AUTS2: variants seen among roughly 807,000 people sequenced by gnomAD.
The protein encoded by AUTS2 is autism susceptibility gene 2 protein.
In AUTS2, 17 loss-of-function variants were observed where a neutral mutation model predicts 112.4. That is an observed-to-expected ratio of 0.15 (90% CI 0.10 to 0.23). AUTS2 has a LOEUF of 0.23. Ranked by LOEUF, AUTS2 falls within the 10% of genes least tolerant of loss-of-function variation. The pLI is 1.00. For synonymous variants in AUTS2, 751 were observed against 702.7 expected (o/e 1.07, Z -1.09); for missense variants, 1,510 against 1,701.6 (o/e 0.89, Z 1.98).
intron 5 of AUTS2, among the ~76,000 whole-genome samples, chr7:70,443,504 G>A (rs1796201182): frequency 6.6e-6 from 1 of 152,210 alleles, no homozygotes; most frequent in Admixed American, 6.5e-5. Flanking sequence ...ATATGTGATT[G>A]TATCTTCCCT....
At chr7:69,785,722 A>C (rs1166641600) in intron 1 of AUTS2, among the ~76,000 whole-genome samples, 1 of 152,218 alleles carries the variant, frequency 6.6e-6, no homozygotes, top group Non-Finnish European at 1.5e-5. Context: ...ACAGCATTAT[A>C]TGAGCCATGG....
intron 6 of AUTS2, among the ~76,000 whole-genome samples, chr7:70,749,054 C>T (rs1269684761): frequency 1.3e-5 from 2 of 152,134 alleles, no homozygotes; most frequent in African/African-American, 4.8e-5. Flanking sequence ...CAGGAGCTCC[C>T]TGTTGCTGGC....
At chr7:70,257,643 A>T (rs1786952650) in intron 4 of AUTS2, among the ~76,000 whole-genome samples, 1 of 142,468 alleles carries the variant, frequency 7.0e-6, no homozygotes, top group African/African-American at 2.6e-5. Flanking sequence ...TTTTTTGTAG[A>T]GACGGGGCCT....
At chr7:69,615,594 C>A (rs778536144) in intron 1 of AUTS2, among the ~76,000 whole-genome samples, 3 of 152,198 alleles carry the variant, frequency 2.0e-5, no homozygotes, top group African/African-American at 4.8e-5. Flanking sequence ...TGAGCCACTG[C>A]ATCCGGCCTA....
At chr7:69,693,041 G>A (rs1223252859) in intron 1 of AUTS2, among the ~76,000 whole-genome samples, 1 of 152,154 alleles carries the variant, frequency 6.6e-6, no homozygotes, top group African/African-American at 2.4e-5. Context: ...AAATAATGAG[G>A]AAACTGTGGC....
At chr7:69,977,970 A>G (rs1297668090) in intron 2 of AUTS2, among the ~76,000 whole-genome samples, 1 of 152,104 alleles carries the variant, frequency 6.6e-6, no homozygotes, top group Admixed American at 6.6e-5. Context: ...TTTTAGTTGT[A>G]CTTAGTGTGG....
chr7:70,557,459 G>A (rs1585299769), intron 5 of AUTS2, among the ~76,000 whole-genome samples: 1 of 152,212 alleles, frequency 6.6e-6, no homozygotes, highest in South Asian at 2.1e-4. Context: ...TGGCGGCATA[G>A]TCAGGCTTGT....
chr7:69,602,040 A>ATATGTG lies in AUTS2; in HGVS notation c.309+2079_309+2080insATGTGT, dbSNP rs1474403063. Among the ~76,000 whole-genome samples the ATATGTG allele has an allele frequency of 2.1e-3, 98 of 46,202 alleles. 1 individual carries two copies. The highest frequency in any genetic ancestry group is 3.6e-3 in the Non-Finnish European group (77 of 21,604). The allele number at this position is 46,202 out of a possible 152,430, so 30.3% of individuals were successfully genotyped here. On this transcript the variant is annotated intron_variant, in intron 1 of 18. Coordinates refer to ENST00000342771, the MANE Select transcript of AUTS2 (RefSeq NM_015570.4). ...TGTGTGTATATATATATATATATAT[A>ATATGTG]TGTGTGTGTGTGTGTGTGTGTGTGT...
chr7:70,386,269 C>G (rs1377259053), intron 4 of AUTS2, among the ~76,000 whole-genome samples: 2 of 152,154 alleles, frequency 1.3e-5, no homozygotes, highest in African/African-American at 4.8e-5. Context: ...AGACATAAAA[C>G]CAAGACGCTT....
intron 1 of AUTS2, among the ~76,000 whole-genome samples, chr7:69,790,473 A>T (rs1283850368): frequency 6.6e-6 from 1 of 152,124 alleles, no homozygotes; most frequent in African/African-American, 2.4e-5. Flanking sequence ...AATTACCATG[A>T]CTTGAATCTT....
At chr7:69,954,701 G>T (rs909745250) in intron 2 of AUTS2, among the ~76,000 whole-genome samples, 2 of 152,184 alleles carry the variant, frequency 1.3e-5, no homozygotes, top group African/African-American at 4.8e-5. Flanking sequence ...AGAGAAGTTC[G>T]AAGTTTTGCC....
At chr7:69,793,766 A>T (rs1294573125) in intron 1 of AUTS2, among the ~76,000 whole-genome samples, 1 of 152,098 alleles carries the variant, frequency 6.6e-6, no homozygotes, top group Non-Finnish European at 1.5e-5. Flanking sequence ...AAAAACATTA[A>T]ATTTTTTAAA....
intron 4 of AUTS2, among the ~76,000 whole-genome samples, chr7:70,138,764 A>T (rs1047223079): frequency 1.3e-5 from 2 of 152,194 alleles, no homozygotes; most frequent in African/African-American, 4.8e-5. Context: ...CGGGATTTGT[A>T]TAATTATTGT....
intron 2 of AUTS2, among the ~76,000 whole-genome samples, chr7:69,923,707 A>G (rs1795902036): frequency 6.6e-6 from 1 of 152,048 alleles, no homozygotes; most frequent in African/African-American, 2.4e-5. Context: ...CATATTTTTG[A>G]TGCAGTATTA....
intron 2 of AUTS2, among the ~76,000 whole-genome samples, chr7:70,086,016 T>C (rs1207632624): frequency 2.0e-5 from 3 of 152,202 alleles, no homozygotes; most frequent in African/African-American, 4.8e-5. Flanking sequence ...AAAAGAAAAT[T>C]TCTAAACTTG....
chr7:69,897,272 G>A (rs1756358419), intron 1 of AUTS2, among the ~76,000 whole-genome samples: 1 of 152,226 alleles, frequency 6.6e-6, no homozygotes, highest in Non-Finnish European at 1.5e-5. Flanking sequence ...GTAAAGGCCT[G>A]CGTTAGTTTG....
chr7:69,987,051 T>A (rs1798540878), intron 2 of AUTS2, among the ~76,000 whole-genome samples: 1 of 152,200 alleles, frequency 6.6e-6, no homozygotes, highest in Non-Finnish European at 1.5e-5. Context: ...ACAAGGACAA[T>A]GTTGAGATGA....
chr7:70,113,208 A>G (rs1242240460), intron 2 of AUTS2, among the ~76,000 whole-genome samples: 1 of 152,058 alleles, frequency 6.6e-6, no homozygotes. Flanking sequence ...TTTCTTTTTT[A>G]AAAAATAGTT....
chr7:70,254,135 C>T (rs1584936835), intron 4 of AUTS2, among the ~76,000 whole-genome samples: 1 of 152,128 alleles, frequency 6.6e-6, no homozygotes, highest in Non-Finnish European at 1.5e-5. Flanking sequence ...GTTTTTAAAT[C>T]GTTTTCAGTG....
Sources: gnomAD v4.1 joint callset for allele counts (sites outside exome capture counted in the v4.1 genomes callset) on GRCh38, gnomAD v4.1.1 for gene constraint, MANE v1.5 for transcripts, NCBI Gene and HGNC (gene_info 2026-07-23, HGNC 2026-07-21) for gene names.